USP15: variants seen among roughly 807,000 people sequenced by gnomAD.
USP15 encodes the protein ubiquitin specific peptidase 15.
USP15 carries 18 observed loss-of-function variants against 127.1 expected under a neutral mutation model. The ratio of observed to expected loss-of-function variants is 0.14; its 90% CI spans 0.10 to 0.21. USP15 has a LOEUF of 0.21. USP15 is among the 10% of genes least tolerant of loss of function. USP15 has a pLI of 1.00. For synonymous variants in USP15, 364 were observed against 393.7 expected (o/e 0.92, Z 0.89); for missense variants, 805 against 1,159.9 (o/e 0.69, Z 4.44).
chr12:62,316,388 TGC>T (rs1409216603), intron 4 of USP15, among the ~76,000 whole-genome samples: 16 of 151,978 alleles, frequency 1.1e-4, no homozygotes, highest in Non-Finnish European at 1.8e-4. Flanking sequence ...ACAGATAAAT[TGC>T]TTGACTTTTG....
intron 6 of USP15, among the ~76,000 whole-genome samples, chr12:62,342,643 T>C (rs2065681252): frequency 6.6e-6 from 1 of 152,134 alleles, no homozygotes; most frequent in Admixed American, 6.5e-5. Context: ...GTTTTTCTTC[T>C]AACAGTCGGG....
At chr12:62,299,824 C>G (rs2064252747) in intron 2 of USP15, among the ~76,000 whole-genome samples, 1 of 152,184 alleles carries the variant, frequency 6.6e-6, no homozygotes, top group African/African-American at 2.4e-5. Context: ...ATTACCAACA[C>G]TTGTTCTTGT....
chr12:62,289,913 A>G (rs1199667393), intron 1 of USP15, among the ~76,000 whole-genome samples: 1 of 152,090 alleles, frequency 6.6e-6, no homozygotes, highest in Non-Finnish European at 1.5e-5. Context: ...GTATTTGTAT[A>G]GCTTCAAGAA....
chr12:62,302,003 A>T (rs1416435182), intron 2 of USP15, among the ~76,000 whole-genome samples: 1 of 152,180 alleles, frequency 6.6e-6, no homozygotes, highest in East Asian at 1.9e-4. Context: ...TTTCTTCTAG[A>T]TCTGTGGCCT....
intron 8 of USP15, among the ~76,000 whole-genome samples, chr12:62,364,709 C>G (rs769703459): frequency 6.6e-6 from 1 of 152,074 alleles, no homozygotes; most frequent in Non-Finnish European, 1.5e-5. Flanking sequence ...TATCCCTTCT[C>G]TAGCCCCCCA....
chr12:62,350,788 A>G (rs2065946080), intron 7 of USP15, among the ~76,000 whole-genome samples: 1 of 151,840 alleles, frequency 6.6e-6, no homozygotes. Context: ...ACACCCTGCT[A>G]ATTTTCTTTT....
intron 1 of USP15, among the ~76,000 whole-genome samples, chr12:62,265,218 A>G (rs2063164679): frequency 6.6e-6 from 1 of 152,226 alleles, no homozygotes; most frequent in Non-Finnish European, 1.5e-5. Context: ...AAGGCATTAA[A>G]TGACCTTTTT....
At chr12:62,277,410 G>A (rs2063524448) in intron 1 of USP15, 1 of 152,172 alleles carries the variant, frequency 6.6e-6, no homozygotes, top group Non-Finnish European at 1.5e-5. Context: ...ATACTGAATA[G>A]TGTAGGCAGT....
intron 11 of USP15, 41 bp from the exon 12 acceptor site, chr12:62,389,390 T>C: frequency 6.5e-7 from 1 of 1,549,634 alleles, no homozygotes; most frequent in Non-Finnish European, 8.8e-7. Context: ...GAATTTTTTT[T>C]CCAAAATAAT....
chr12:62,322,277 G>A (rs146764556), intron 5 of USP15, among the ~76,000 whole-genome samples: 156 of 152,120 alleles, frequency 1.0e-3, no homozygotes, highest in African/African-American at 3.7e-3. Context: ...GCAGACATGT[G>A]CCACCACACC....
At chr12:62,392,429 G>T (rs1184454095) in intron 18 of USP15, 42 bp downstream of exon 18, 1 of 1,422,072 alleles carries the variant, frequency 7.0e-7, no homozygotes, top group Non-Finnish European at 9.6e-7. Flanking sequence ...TTTCTTTAAG[G>T]ATTTATTCTG....
chr12:62,412,443 A>G lies in USP15; in HGVS notation c.*8068A>G, dbSNP rs2068061098. 6.6e-6 allele frequency: 1 copy of G among 152,408 alleles called. No homozygotes were observed. The highest frequency in any genetic ancestry group is 1.5e-5 in the Non-Finnish European group (1 of 68,198). The allele number at this position is 152,408 out of a possible 1,614,324, so 9.4% of individuals were successfully genotyped here. On this transcript the variant is annotated 3_prime_UTR_variant, in exon 22 of 22. Coordinates refer to ENST00000280377, the MANE Select transcript of USP15 (RefSeq NM_001252078.2). ...CTCTGGCATGCAGTGCTATTTGATA[A>G]TATTTGATACCCACAGTAGAACTTC...
chr12:62,406,292 T>G lies in USP15; in HGVS notation c.*1917T>G, dbSNP rs1429772136. The G allele has an allele frequency of 6.6e-6, 1 of 152,174 alleles. No homozygotes were observed. The highest frequency in any genetic ancestry group is 1.5e-5 in the Non-Finnish European group (1 of 68,020). 9.4% of individuals were successfully genotyped at this position (152,174 alleles called of 1,614,324 possible). On this transcript the variant is annotated 3_prime_UTR_variant, in exon 22 of 22. Coordinates refer to ENST00000280377, the MANE Select transcript of USP15 (RefSeq NM_001252078.2). ...GTTTTAAAGTTGATTTTTGTCCACT[T>G]TAATATTTATTCATTAAACATATGT... is the stretch of plus-strand genomic sequence containing the variant.
intron 2 of USP15, among the ~76,000 whole-genome samples, chr12:62,301,754 C>G (rs1335550318): frequency 6.6e-6 from 1 of 152,052 alleles, no homozygotes; most frequent in Admixed American, 6.6e-5. Context: ...TTTCTCGCTT[C>G]TTGATTTTTA....
At chr12:62,373,397 A>G (rs921716361) in intron 8 of USP15, among the ~76,000 whole-genome samples, 3 of 152,126 alleles carry the variant, frequency 2.0e-5, no homozygotes, top group African/African-American at 7.2e-5. Context: ...ATTGAATTCA[A>G]ATAGTATGTG....
At chr12:62,370,600 T>C (rs925718561) in intron 8 of USP15, among the ~76,000 whole-genome samples, 1 of 152,182 alleles carries the variant, frequency 6.6e-6, no homozygotes, top group East Asian at 1.9e-4. Context: ...AAATATCAAA[T>C]ACTGTTATCA....
chr12:62,374,639 G>C, intron 8 of USP15: 1 of 919,752 alleles, frequency 1.1e-6, no homozygotes, highest in Non-Finnish European at 1.3e-6. Context: ...TTATATAATA[G>C]AACATTATTT....
intron 3 of USP15, among the ~76,000 whole-genome samples, chr12:62,306,581 T>C (rs911290445): frequency 6.6e-6 from 1 of 152,202 alleles, no homozygotes; most frequent in Non-Finnish European, 1.5e-5. Context: ...AATGAAATTA[T>C]AGGTCTGCCA....
rs975381283 is a variant in USP15, at chr12:62,415,463, C to T, written c.*11088C>T. Reference sequence around the variant, plus strand: ...TCTGGGCACCCTGTGGCCCAGTCAACACATTAAATAAACCATCACATCCCT... The same window carrying T: ...TCTGGGCACCCTGTGGCCCAGTCAATACATTAAATAAACCATCACATCCCT... On this transcript the variant is annotated 3_prime_UTR_variant, in exon 22 of 22. Coordinates refer to ENST00000280377, the MANE Select transcript of USP15 (RefSeq NM_001252078.2). 6.6e-5 allele frequency: 10 copies of T among 152,190 alleles called. No individual in the cohort carries two copies. Among genetic ancestry groups the T allele is most frequent in the Non-Finnish European group, 8.8e-5 (6 of 68,030 alleles). 9.4% of individuals were successfully genotyped at this position (152,190 alleles called of 1,614,324 possible). A position where few individuals can be genotyped will look rare whatever the true frequency, so the allele number is the denominator to read the frequency against.
Sources: gnomAD v4.1 joint callset for allele counts (sites outside exome capture counted in the v4.1 genomes callset) on GRCh38, gnomAD v4.1.1 for gene constraint, MANE v1.5 for transcripts, NCBI Gene and HGNC (gene_info 2026-07-23, HGNC 2026-07-21) for gene names.